Variants in ADCY7 observed in about 807,000 individuals in gnomAD.
ADCY7 encodes adenylate cyclase type 7.
In ADCY7, 72 loss-of-function variants were observed where a neutral mutation model predicts 120.6. That is an observed-to-expected ratio of 0.60 (90% CI 0.49 to 0.73). The LOEUF (loss-of-function observed/expected upper bound fraction) is 0.73, where lower values mean the gene tolerates loss of function less well. Among genes scored for constraint, ADCY7 ranks in the 30% least tolerant of loss-of-function variants. The pLI is 0.00. For synonymous variants in ADCY7, 661 were observed against 628.0 expected, an observed-to-expected ratio of 1.05 and a Z score of -0.78; for missense variants, 1,227 against 1,486.0, an observed-to-expected ratio of 0.83 and a Z score of 2.87.
chr16:50,294,383 A>T (rs2035204898), intron 6 of ADCY7, among the ~76,000 whole-genome samples: 1 of 152,178 alleles, frequency 6.6e-6, no homozygotes, highest in Non-Finnish European at 1.5e-5. Context: ...CTGCAGTGAT[A>T]GGGCCTGGGG....
intron 1 of ADCY7, among the ~76,000 whole-genome samples, chr16:50,270,067 G>C (rs956385184): frequency 1.3e-5 from 2 of 152,148 alleles, no homozygotes; most frequent in Non-Finnish European, 2.9e-5. Flanking sequence ...GTGCATGCCT[G>C]TAGTCCCAGC....
chr16:50,253,396 T>C (rs2032816593), intron 1 of ADCY7, among the ~76,000 whole-genome samples: 1 of 152,194 alleles, frequency 6.6e-6, no homozygotes. Context: ...GATTTACAGA[T>C]GTGTGCCACC....
rs558318469 is a variant in ADCY7 at position 50,314,487 on chromosome 16, C to T, written c.2971+81C>T. 136 of 1,025,014 alleles carry T rather than the reference C, an allele frequency of 1.3e-4. No individual in the cohort carries two copies. In the African/African-American group the frequency reaches 1.8e-3, roughly 13 times the overall value. 63.5% of individuals were successfully genotyped at this position (1,025,014 alleles called of 1,614,324 possible). A position where few individuals can be genotyped will look rare whatever the true frequency, so the allele number is the denominator to read the frequency against. ...CAGTCTGTGTGGCACAGCTGCACCT[C>T]GCCATCTATTATGAAAGGTTTTAGA... On this transcript the variant is annotated intron_variant, in intron 24 of 25. Coordinates refer to ENST00000673801, the MANE Select transcript of ADCY7 (RefSeq NM_001114.5).
At chr16:50,268,346 C>T (rs1031523796) in intron 1 of ADCY7, among the ~76,000 whole-genome samples, 1 of 152,094 alleles carries the variant, frequency 6.6e-6, no homozygotes, top group African/African-American at 2.4e-5. Context: ...CTCAAATGAT[C>T]CATCCACCTC....
chr16:50,310,466 G>C lies in ADCY7; in HGVS notation c.2161-221G>C. The C allele has an allele frequency of 2.0e-6, 3 of 1,536,244 alleles. No individual in the cohort carries two copies. The South Asian group carries it at 3.6e-5, about 18-fold the overall frequency. ...GTTGTATCCACAGCACCTGCATACTGTTTTTTCCCGTTTAAATGAGCTCAC... is the reference window on the plus strand; with the variant it reads ...GTTGTATCCACAGCACCTGCATACTCTTTTTTCCCGTTTAAATGAGCTCAC... On this transcript the variant is annotated intron_variant, in intron 18 of 25. Transcript: ENST00000673801.
intron 14 of ADCY7, among the ~76,000 whole-genome samples, chr16:50,306,426 C>T (rs1455583705): frequency 6.6e-6 from 1 of 152,184 alleles, no homozygotes; most frequent in Non-Finnish European, 1.5e-5. Context: ...GAGTTGGGGG[C>T]TTCCTAGGTG....
At chr16:50,277,610 A>T (rs1368132933) in intron 1 of ADCY7, among the ~76,000 whole-genome samples, 3 of 151,128 alleles carry the variant, frequency 2.0e-5, no homozygotes, top group African/African-American at 7.3e-5. Context: ...CGCCTGCCTC[A>T]GCCTCCCAAG....
Position 50,310,779 on chromosome 16 carries a change from C to T in ADCY7, c.2253C>T (p.Ala751=). ...LEPKVVLLTV[A]LVAYLVLFNL... ...CAAAGGTTGTGCTGCTGACAGTGGCCCTGGTGGCCTACCTGGTGCTCTTCA... is the reference window on the plus strand; with the variant it reads ...CAAAGGTTGTGCTGCTGACAGTGGCTCTGGTGGCCTACCTGGTGCTCTTCA... Residue 751 remains alanine (A), a synonymous_variant, in exon 19 of 26, where the codon GCC becomes GCT. Coordinates refer to ENST00000673801, the MANE Select transcript of ADCY7 (RefSeq NM_001114.5). 1 of 1,614,168 alleles carries T rather than the reference C, an allele frequency of 6.2e-7. No homozygotes were observed. The highest frequency in any genetic ancestry group is 8.5e-7 in the Non-Finnish European group (1 of 1,180,022).
chr16:50,276,149 T>C (rs899717800), intron 1 of ADCY7, among the ~76,000 whole-genome samples: 1 of 152,166 alleles, frequency 6.6e-6, no homozygotes, highest in Admixed American at 6.5e-5. Flanking sequence ...CTGACCTGGG[T>C]TGGGTGGGAC....
intron 18 of ADCY7, among the ~76,000 whole-genome samples, chr16:50,309,890 G>A (rs1271788845): frequency 1.3e-5 from 2 of 152,218 alleles, no homozygotes; most frequent in African/African-American, 2.4e-5. Context: ...TAGGCAGGGA[G>A]TGAGGGGAGC....
chr16:50,260,028 C>G (rs1455377164), intron 1 of ADCY7, among the ~76,000 whole-genome samples: 1 of 152,224 alleles, frequency 6.6e-6, no homozygotes, highest in Non-Finnish European at 1.5e-5. Flanking sequence ...GCTGCCTCTG[C>G]GAGTCCCTCT....
At chr16:50,298,518 C>T (rs1307034411) in intron 7 of ADCY7, among the ~76,000 whole-genome samples, 2 of 152,242 alleles carry the variant, frequency 1.3e-5, no homozygotes, top group Non-Finnish European at 2.9e-5. Context: ...GTGCCCACCC[C>T]TCCTGCCTAC....
intron 15 of ADCY7, 52 bp from the exon 16 acceptor site, chr16:50,308,275 G>A: frequency 6.2e-7 from 1 of 1,614,004 alleles, no homozygotes; most frequent in Non-Finnish European, 8.5e-7. Flanking sequence ...TGGGGGCGGT[G>A]GTCCTGGGCA....
At chr16:50,303,206 C>T (rs1016427349) in intron 10 of ADCY7, among the ~76,000 whole-genome samples, 4 of 152,190 alleles carry the variant, frequency 2.6e-5, no homozygotes, top group Admixed American at 6.5e-5. Context: ...CATCCACCCC[C>T]ACCAGGTTGC....
At chr16:50,249,898 G>C (rs1285072908) in intron 1 of ADCY7, among the ~76,000 whole-genome samples, 1 of 151,544 alleles carries the variant, frequency 6.6e-6, no homozygotes, top group African/African-American at 2.4e-5. Flanking sequence ...GCAGCTGTTT[G>C]CAGAGGGAGC....
At position 50,310,724 on chromosome 16, in the gene ADCY7, G is replaced by A; in HGVS notation, c.2198G>A (p.Cys733Tyr). ...AGCTGTGTCCTGGGCTTCATCGCCT[G>A]CTCGGTCTTCCTGAGGATGAGCCTG... is the stretch of plus-strand genomic sequence containing the variant. ...TCSCVLGFIACSVFLRMSLEP... is the reference protein window; with the variant it reads ...TCSCVLGFIAYSVFLRMSLEP... Residue 733 changes from cysteine (C) to tyrosine (Y), a missense_variant, in exon 19 of 26, where the codon TGC (cysteine) becomes TAC (tyrosine). By Grantham distance (194) the Cys-to-Tyr change is radical (BLOSUM62 -2). Around this residue, in one of 5 missense-constraint regions of ADCY7, gnomAD observed 267 missense variants for 270.0 expected, o/e 0.99. Coordinates refer to ENST00000673801, the MANE Select transcript of ADCY7 (RefSeq NM_001114.5). 1 of 1,614,128 alleles carries A rather than the reference G, an allele frequency of 6.2e-7. No homozygotes were observed. The highest frequency in any genetic ancestry group is 1.1e-5 in the South Asian group (1 of 91,084).
At chr16:50,257,313 G>C (rs4470143) in intron 1 of ADCY7, among the ~76,000 whole-genome samples, 7,392 of 152,232 alleles carry the variant, frequency 0.049, 229 homozygotes, top group Non-Finnish European at 0.075. Flanking sequence ...TGTAGGTAAG[G>C]GGGGCAGGGG....
chr16:50,308,900 A>G, intron 17 of ADCY7, 108 bp downstream of exon 17: 2 of 1,379,288 alleles, frequency 1.5e-6, no homozygotes, highest in Non-Finnish European at 1.9e-6. Flanking sequence ...CTCTCCCCCG[A>G]GCTCAGCAGG....
chr16:50,292,572 CAG>C lies in ADCY7; in HGVS notation c.538-103_538-102del, dbSNP rs2035057679. 2.8e-6 allele frequency: 4 copies of C among 1,423,060 alleles called. No homozygotes were observed. In the East Asian group the frequency reaches 9.2e-5, roughly 33 times the overall value. 88.2% of individuals were successfully genotyped at this position (1,423,060 alleles called of 1,614,324 possible). A position where few individuals can be genotyped will look rare whatever the true frequency, so the allele number is the denominator to read the frequency against. On this transcript the variant is annotated intron_variant, in intron 4 of 25. Coordinates refer to ENST00000673801, the MANE Select transcript of ADCY7 (RefSeq NM_001114.5). ...GTGCCATTCTCAGTGGGTTGAAGGT[CAG>C]GGAATGGGAAGAGGTGCCATCACTA... is the stretch of plus-strand genomic sequence containing the variant.
Sources: gnomAD v4.1 joint callset for allele counts (sites outside exome capture counted in the v4.1 genomes callset) on GRCh38, gnomAD v4.1.1 for gene constraint, gnomAD v4.1.1 regional missense constraint, MANE v1.5 for transcripts, NCBI Gene and HGNC (gene_info 2026-07-23, HGNC 2026-07-21) for gene names.